CAMTA1: variants seen among roughly 807,000 people sequenced by gnomAD.
CAMTA1 encodes the protein calmodulin binding transcription activator 1, also known as calmodulin-binding transcription activator 1.
In CAMTA1, 27 loss-of-function variants were observed where a neutral mutation model predicts 170.9. The ratio of observed to expected loss-of-function variants is 0.16; its 90% CI spans 0.12 to 0.22. CAMTA1 has a LOEUF of 0.22. CAMTA1 is among the 10% of genes least tolerant of loss of function. CAMTA1 has a pLI of 1.00. For missense variants in CAMTA1, 1,619 were observed against 2,217.2 expected (o/e 0.73, Z 5.42); for synonymous variants, 833 against 891.5 (o/e 0.93, Z 1.17).
At chr1:7,005,002 C>T (rs995662022) in intron 3 of CAMTA1, among the ~76,000 whole-genome samples, 3 of 152,206 alleles carry the variant, frequency 2.0e-5, no homozygotes, top group African/African-American at 4.8e-5. Context: ...AAACTCCTGA[C>T]CTCAAGTGAT....
At chr1:6,861,065 A>G (rs1202528049) in intron 3 of CAMTA1, among the ~76,000 whole-genome samples, 1 of 151,534 alleles carries the variant, frequency 6.6e-6, no homozygotes, top group Non-Finnish European at 1.5e-5. Flanking sequence ...CCCGGGTTCA[A>G]GTGATTCTCG....
At position 7,309,648 on chromosome 1, in the gene CAMTA1, C is replaced by T. The variant is rs958635367; in HGVS notation, c.438+60022C>T. ...TGTTCCTTTGTTTCCTCTTTCCTGC[C>T]GCCTTTTATGTTATTTGAACAATTT... On this transcript the variant is annotated intron_variant, in intron 5 of 22. Coordinates refer to ENST00000303635, the MANE Select transcript of CAMTA1 (RefSeq NM_015215.4). 4.6e-5 allele frequency among the ~76,000 whole-genome samples: 7 copies of T among 152,066 alleles called. No individual in the cohort carries two copies. The South Asian group carries it at 8.3e-4, about 18-fold the overall frequency.
chr1:7,292,440 C>G (rs745876362), intron 5 of CAMTA1, among the ~76,000 whole-genome samples: 4 of 152,186 alleles, frequency 2.6e-5, no homozygotes, highest in Non-Finnish European at 4.4e-5. Context: ...TTGAACACTC[C>G]GGAGAGGCTG....
chr1:7,171,612 T>A (rs1649620633), intron 4 of CAMTA1, among the ~76,000 whole-genome samples: 2 of 152,174 alleles, frequency 1.3e-5, no homozygotes, highest in Admixed American at 6.5e-5. Context: ...AAAACTGAGA[T>A]GAAATTCACA....
chr1:7,074,773 C>T (rs1234791968), intron 3 of CAMTA1, among the ~76,000 whole-genome samples: 1 of 152,210 alleles, frequency 6.6e-6, no homozygotes, highest in Admixed American at 6.5e-5. Context: ...ATTCTCATAA[C>T]TACCTTCTCA....
intron 3 of CAMTA1, among the ~76,000 whole-genome samples, chr1:7,073,320 T>C (rs1462658062): frequency 6.6e-6 from 1 of 152,088 alleles, no homozygotes; most frequent in Non-Finnish European, 1.5e-5. Flanking sequence ...CTAGAAGATA[T>C]TTGGATGGAA....
chr1:7,654,947 TACACAC>T (rs530890489), intron 7 of CAMTA1, among the ~76,000 whole-genome samples: 3 of 125,350 alleles, frequency 2.4e-5, no homozygotes, highest in African/African-American at 9.4e-5. Context: ...CACACACCTA[TACACAC>T]ACAAACACAC....
chr1:6,869,524 C>G (rs1316039184), intron 3 of CAMTA1, among the ~76,000 whole-genome samples: 1 of 152,090 alleles, frequency 6.6e-6, no homozygotes, highest in Admixed American at 6.5e-5. Flanking sequence ...TTGCATTGCC[C>G]CTTGGATGGC....
rs74051087 is a variant in CAMTA1, at chr1:7,028,359, G to A, written c.235-62945G>A. Among the ~76,000 whole-genome samples, 608 of 152,260 alleles carry A rather than the reference G, an allele frequency of 4.0e-3. 3 individuals carry two copies. The highest frequency in any genetic ancestry group is 0.014 in the African/African-American group (593 of 41,532). On this transcript the variant is annotated intron_variant, in intron 3 of 22. Coordinates refer to ENST00000303635, the MANE Select transcript of CAMTA1 (RefSeq NM_015215.4). ...TGAGTCTCTGCGTGGTAGAGCTGGT[G>A]GTCAGAGTGGACCTAAAGCCAGAAA...
intron 4 of CAMTA1, among the ~76,000 whole-genome samples, chr1:7,110,140 G>T (rs898941569): frequency 6.6e-6 from 1 of 152,124 alleles, no homozygotes; most frequent in South Asian, 2.1e-4. Flanking sequence ...GGCTTAATTT[G>T]CTTCTGAAAT....
intron 3 of CAMTA1, among the ~76,000 whole-genome samples, chr1:6,968,444 G>A (rs1367465076): frequency 1.3e-5 from 2 of 152,204 alleles, no homozygotes; most frequent in Non-Finnish European, 2.9e-5. Flanking sequence ...GCCTCAGGAA[G>A]TCACGTCAGC....
At chr1:7,489,001 C>T (rs1044418067) in intron 6 of CAMTA1, among the ~76,000 whole-genome samples, 4 of 152,164 alleles carry the variant, frequency 2.6e-5, no homozygotes, top group East Asian at 1.9e-4. Context: ...CCACCCCCAG[C>T]GCCACATGGG....
intron 3 of CAMTA1, among the ~76,000 whole-genome samples, chr1:6,963,485 C>T (rs1187999577): frequency 6.6e-6 from 1 of 152,076 alleles, no homozygotes; most frequent in Non-Finnish European, 1.5e-5. Flanking sequence ...CCTATAAACC[C>T]TGTTCTTCAG....
intron 3 of CAMTA1, among the ~76,000 whole-genome samples, chr1:7,072,691 G>A (rs1638801532): frequency 6.6e-6 from 1 of 152,338 alleles, no homozygotes; most frequent in African/African-American, 2.4e-5. Context: ...GGTTAGGGAG[G>A]CCTTACCCAG....
At chr1:7,185,181 G>A (rs1473056694) in intron 4 of CAMTA1, among the ~76,000 whole-genome samples, 1 of 152,210 alleles carries the variant, frequency 6.6e-6, no homozygotes, top group Admixed American at 6.5e-5. Context: ...TACACACAGA[G>A]AGAGTTCTAG....
chr1:7,129,182 GC>G (rs1645108070), intron 4 of CAMTA1, among the ~76,000 whole-genome samples: 1 of 152,040 alleles, frequency 6.6e-6, no homozygotes, highest in Admixed American at 6.6e-5. Context: ...ACTTGCCCAG[GC>G]TCCCACAGCT....
chr1:6,937,309 CCAT>C lies in CAMTA1; in HGVS notation c.234+112105_234+112107del, dbSNP rs1287080112. 8.6e-4 allele frequency among the ~76,000 whole-genome samples: 130 copies of C among 151,870 alleles called. No individual in the cohort carries two copies. The Middle Eastern group carries it at 0.021, about 24-fold the overall frequency. ...CATCCCCATTCACTACTTACCACCA[CCAT>C]CATCACCATCACCATCACCATTCAC... On this transcript the variant is annotated intron_variant, in intron 3 of 22. Coordinates refer to ENST00000303635, the MANE Select transcript of CAMTA1 (RefSeq NM_015215.4).
chr1:7,026,002 C>T (rs1474673486), intron 3 of CAMTA1, among the ~76,000 whole-genome samples: 2 of 151,990 alleles, frequency 1.3e-5, no homozygotes, highest in Non-Finnish European at 2.9e-5. Flanking sequence ...TGCCTGTGGT[C>T]CCAGGTACTT....
intron 5 of CAMTA1, among the ~76,000 whole-genome samples, chr1:7,371,793 C>T (rs1029607959): frequency 6.6e-6 from 1 of 152,220 alleles, no homozygotes; most frequent in African/African-American, 2.4e-5. Flanking sequence ...ATCCTGAAAT[C>T]TTCTGGTTCA....
Sources: gnomAD v4.1 joint callset for allele counts (sites outside exome capture counted in the v4.1 genomes callset) on GRCh38, gnomAD v4.1.1 for gene constraint, MANE v1.5 for transcripts, NCBI Gene and HGNC (gene_info 2026-07-23, HGNC 2026-07-21) for gene names.